Variants in GARIN5A observed in about 807,000 individuals in gnomAD.
The protein encoded by GARIN5A is Golgi-associated RAB2 interactor protein 5A.
chr19:50,476,382 G>A, the GARIN5A span: 2 of 1,557,532 alleles, frequency 1.3e-6, no homozygotes, highest in Non-Finnish European at 1.7e-6. Flanking sequence ...CAAAGGGGCG[G>A]CCCCATCCTG....
At chr19:50,471,951 CATGTATGT>C in the GARIN5A span, among the ~76,000 whole-genome samples, 5 of 143,642 alleles carry the variant, frequency 3.5e-5, 1 homozygote, top group Admixed American at 6.8e-5. Flanking sequence ...AGTATATATA[CATGTATGT>C]ATGTATATAT....
chr19:50,472,396 TAGG>T, the GARIN5A span, among the ~76,000 whole-genome samples: 78 of 152,000 alleles, frequency 5.1e-4, no homozygotes, highest in Admixed American at 1.6e-3. Flanking sequence ...AGTGAGGGGC[TAGG>T]AGGTGAGTCC....
At chr19:50,471,577 CTGT>C in the GARIN5A span, among the ~76,000 whole-genome samples, 10 of 151,980 alleles carry the variant, frequency 6.6e-5, no homozygotes, top group African/African-American at 2.4e-4. Context: ...GCCTCTACTG[CTGT>C]TTTTAAAGAA....
At chr19:50,471,719 CGCATACATGCACGTGTGTGT>C in the GARIN5A span, among the ~76,000 whole-genome samples, 1,200 of 149,506 alleles carry the variant, frequency 8.0e-3, 59 homozygotes, top group African/African-American at 0.028. Flanking sequence ...TGTGTGTATA[CGCATACATGCACGTGTGTGT>C]ATACGCATAC....
chr19:50,471,765 C>CATACATGCATGTGTATACGT, the GARIN5A span, among the ~76,000 whole-genome samples: 3 of 131,958 alleles, frequency 2.3e-5, no homozygotes, highest in African/African-American at 1.1e-4. Flanking sequence ...TGTGTATACG[C>CATACATGCATGTGTATACGT]ATACATACCT....
the GARIN5A span, chr19:50,475,821 G>C: frequency 6.3e-7 from 1 of 1,598,492 alleles, no homozygotes; most frequent in Non-Finnish European, 8.6e-7. Flanking sequence ...AGGGGGTTCT[G>C]GGGCTCCCTA....
At chr19:50,467,703 T>C in the GARIN5A span, 30 of 1,595,582 alleles carry the variant, frequency 1.9e-5, no homozygotes, top group Admixed American at 5.3e-4. Context: ...GGCCGAACTC[T>C]CGGTCTCGGG....
At chr19:50,469,640 A>C in the GARIN5A span, among the ~76,000 whole-genome samples, 71 of 152,310 alleles carry the variant, frequency 4.7e-4, no homozygotes, top group African/African-American at 1.6e-3. Flanking sequence ...CCAACAGGGC[A>C]GAGCAGGAAG....
chr19:50,469,917 T>A, the GARIN5A span, among the ~76,000 whole-genome samples: 3 of 152,168 alleles, frequency 2.0e-5, no homozygotes, highest in Non-Finnish European at 4.4e-5. Context: ...AATAGAAGAA[T>A]AACAGCTGAC....
the GARIN5A span, among the ~76,000 whole-genome samples, chr19:50,474,085 G>A: frequency 1.3e-5 from 2 of 152,188 alleles, no homozygotes. Flanking sequence ...AGCCTTGGGT[G>A]AGAAAAAGGA....
chr19:50,467,531 C>T, the GARIN5A span: 4 of 1,441,434 alleles, frequency 2.8e-6, no homozygotes, highest in African/African-American at 5.6e-5. Context: ...TCTGCTGCCC[C>T]ACTGCGCTTC....
chr19:50,472,122 A>G, the GARIN5A span, among the ~76,000 whole-genome samples: 5,016 of 132,788 alleles, frequency 0.038, 441 homozygotes, highest in African/African-American at 0.068. Context: ...GTATATGTAT[A>G]TATACGTGTG....
the GARIN5A span, chr19:50,475,768 C>T: frequency 6.6e-6 from 8 of 1,204,272 alleles, no homozygotes; most frequent in Admixed American, 1.7e-5. Flanking sequence ...CAGGGGCTTT[C>T]CAAGTCAGGA....
chr19:50,472,507 C>T, the GARIN5A span, among the ~76,000 whole-genome samples: 4 of 152,016 alleles, frequency 2.6e-5, no homozygotes, highest in Admixed American at 2.0e-4. Context: ...ATGAGAGGGT[C>T]ATAGCCACTC....
chr19:50,471,733 TGTGTGTATACGCATACATGC>T, the GARIN5A span, among the ~76,000 whole-genome samples: 1 of 83,658 alleles, frequency 1.2e-5, no homozygotes, highest in Non-Finnish European at 2.2e-5. Flanking sequence ...TACATGCACG[TGTGTGTATACGCATACATGC>T]ATGTGTATAC....
At chr19:50,475,539 GGA>G in the GARIN5A span, 1 of 1,326,646 alleles carries the variant, frequency 7.5e-7, no homozygotes, top group South Asian at 1.4e-5. Flanking sequence ...TCTTGGTAGG[GGA>G]AAAGGTCATG....
At chr19:50,476,219 G>A in the GARIN5A span, 3 of 1,613,572 alleles carry the variant, frequency 1.9e-6, no homozygotes, top group Middle Eastern at 1.6e-4. Context: ...CCCGTCCGAC[G>A]GGAGCGGACG....
At chr19:50,475,971 G>T in the GARIN5A span, 2 of 1,607,196 alleles carry the variant, frequency 1.2e-6, no homozygotes, top group Non-Finnish European at 8.5e-7. Flanking sequence ...CGAAGTCTGG[G>T]GGTCGATCCT....
chr19:50,468,363 C>CAAAAA, the GARIN5A span, among the ~76,000 whole-genome samples: 1 of 77,068 alleles, frequency 1.3e-5, no homozygotes, highest in African/African-American at 5.4e-5. Flanking sequence ...GACTGTGTCT[C>CAAAAA]AAAAAAAAAA....
Sources: allele counts gnomAD v4.1 joint callset (sites outside exome capture counted in the v4.1 genomes callset), GRCh38; gene constraint gnomAD v4.1.1; transcripts MANE v1.5; gene names NCBI Gene and HGNC (gene_info 2026-07-23, HGNC 2026-07-21).